The following DENND5A variants were observed in gnomAD, a reference collection of about 807,000 sequenced individuals.
DENND5A encodes the protein DENN domain-containing protein 5A.
Under a neutral mutation model 140.3 loss-of-function variants are expected in DENND5A, and 64 were observed. The observed-to-expected ratio is 0.46, with a 90% CI of 0.37 to 0.56. The LOEUF is 0.56. Ranked by LOEUF, DENND5A falls within the 20% of genes least tolerant of loss-of-function variation. The pLI is 0.00. For synonymous variants in DENND5A, 605 were observed against 607.7 expected, an observed-to-expected ratio of 1.00 and a Z score of 0.07; for missense variants, 1,292 against 1,593.8, an observed-to-expected ratio of 0.81 and a Z score of 3.22.
intron 5 of DENND5A, among the ~76,000 whole-genome samples, chr11:9,184,357 G>GA (rs554550679): frequency 8.7e-4 from 118 of 136,366 alleles, no homozygotes; most frequent in Middle Eastern, 4.0e-3. Flanking sequence ...CGTCTCAAAA[G>GA]AAAAAAAAAA....
intron 1 of DENND5A, among the ~76,000 whole-genome samples, chr11:9,227,937 C>T (rs2136245261): frequency 6.6e-6 from 1 of 151,746 alleles, no homozygotes; most frequent in Admixed American, 6.6e-5. Flanking sequence ...CATGGTGAAA[C>T]CCTGTCTCTA....
intron 10 of DENND5A, 98 bp from the exon 11 acceptor site, chr11:9,166,065 CAT>C: frequency 6.2e-6 from 7 of 1,124,346 alleles, no homozygotes; most frequent in Non-Finnish European, 8.9e-6. Context: ...TATTTTCTCA[CAT>C]TTTCTTTTTT....
chr11:9,234,542 G>A (rs1035998068), intron 1 of DENND5A, among the ~76,000 whole-genome samples: 1 of 152,138 alleles, frequency 6.6e-6, no homozygotes, highest in African/African-American at 2.4e-5. Context: ...GCCATAAACT[G>A]GCCCCAAAAC....
intron 13 of DENND5A, among the ~76,000 whole-genome samples, chr11:9,151,821 G>C (rs1370157105): frequency 6.6e-6 from 1 of 152,100 alleles, no homozygotes; most frequent in South Asian, 2.1e-4. Context: ...CTCCAGACTC[G>C]TTTCCTCCTC....
At chr11:9,225,120 C>A (rs1045413859) in intron 1 of DENND5A, among the ~76,000 whole-genome samples, 1 of 152,086 alleles carries the variant, frequency 6.6e-6, no homozygotes, top group Non-Finnish European at 1.5e-5. Context: ...TCTTTTTTGA[C>A]AATGTATCTC....
intron 1 of DENND5A, among the ~76,000 whole-genome samples, chr11:9,227,092 C>T (rs556420656): frequency 5.3e-5 from 8 of 151,932 alleles, no homozygotes; most frequent in African/African-American, 1.9e-4. Flanking sequence ...CGCTTGAACC[C>T]GGGAGGCAGA....
In DENND5A at chr11:9,257,264, G is replaced by A. The variant is rs185601830; in HGVS notation, c.109+7697C>T. ...ACCTGCCTCAGCCTCCCAAAGTGCT[G>A]GGATTATAGGCGTGAGCAACCATGT... On this transcript the variant is annotated intron_variant, in intron 1 of 22. Coordinates refer to ENST00000328194, the MANE Select transcript of DENND5A (RefSeq NM_015213.4). Among the ~76,000 whole-genome samples the A allele has an allele frequency of 2.3e-4, 35 of 151,856 alleles. No homozygotes were observed. In the South Asian group the frequency reaches 3.7e-3, roughly 16 times the overall value.
In DENND5A at chr11:9,206,707, T is replaced by C. The variant is rs1287518966; in HGVS notation, c.257A>G (p.Glu86Gly). The C allele has an allele frequency of 1.2e-6, 2 of 1,613,864 alleles. No individual in the cohort carries two copies. Among genetic ancestry groups the C allele is most frequent in the Non-Finnish European group, 1.7e-6 (2 of 1,179,824 alleles). ...KVLARYPENV[E>G]WNPFDQDAVG... Reference sequence around the variant, plus strand: ...TGCATCTTGGTCAAAGGGATTCCATTCTACGTTCTCAGGATATCGTGCAAG... The same window carrying C: ...TGCATCTTGGTCAAAGGGATTCCATCCTACGTTCTCAGGATATCGTGCAAG... Residue 86 changes from glutamate to glycine, a missense_variant, in exon 3 of 23, where the codon GAA (glutamate) becomes GGA (glycine). Around this residue, in one of 4 missense-constraint regions of DENND5A, gnomAD observed 566 missense variants for 650.4 expected, o/e 0.87. Transcript: ENST00000328194.
chr11:9,203,179 G>T (rs1564912920), intron 4 of DENND5A, among the ~76,000 whole-genome samples: 1 of 152,148 alleles, frequency 6.6e-6, no homozygotes, highest in East Asian at 1.9e-4. Flanking sequence ...GTCCAAATAT[G>T]CTGCTTACAC....
At chr11:9,236,353 G>A (rs906597456) in intron 1 of DENND5A, among the ~76,000 whole-genome samples, 7 of 151,922 alleles carry the variant, frequency 4.6e-5, no homozygotes, top group South Asian at 2.1e-4. Context: ...CCAATATGGC[G>A]AAACCCTGTC....
intron 6 of DENND5A, among the ~76,000 whole-genome samples, chr11:9,179,394 G>A (rs1432203578): frequency 1.3e-5 from 2 of 152,062 alleles, no homozygotes; most frequent in Non-Finnish European, 2.9e-5. Context: ...AGGGAGAAAG[G>A]AAGGAATGTG....
In DENND5A at chr11:9,181,110, T is replaced by A. The variant is rs767716057; in HGVS notation, c.1138-26A>T. 1.6e-5 allele frequency: 25 copies of A among 1,596,438 alleles called. No individual in the cohort carries two copies. In the East Asian group the frequency reaches 5.6e-4, roughly 36 times the overall value. On this transcript the variant is annotated intron_variant, in intron 5 of 22. Transcript: ENST00000328194. The stretch of plus-strand genomic sequence containing the variant: ...CTGGAAGTCAAAACAGGATGAGGAG[T>A]ATGAATAACTCCAGAGCATTACAGG...
At chr11:9,188,532 C>A (rs1849000726) in intron 5 of DENND5A, among the ~76,000 whole-genome samples, 1 of 152,126 alleles carries the variant, frequency 6.6e-6, no homozygotes, top group Non-Finnish European at 1.5e-5. Context: ...GTTTGGAACT[C>A]CCTAGAGACT....
At chr11:9,187,938 T>C (rs1260939320) in intron 5 of DENND5A, among the ~76,000 whole-genome samples, 1 of 152,194 alleles carries the variant, frequency 6.6e-6, no homozygotes, top group Non-Finnish European at 1.5e-5. Context: ...ATGTACACTC[T>C]CTGTCCCTCT....
At chr11:9,214,334 T>C (rs1017835772) in intron 1 of DENND5A, among the ~76,000 whole-genome samples, 9 of 152,232 alleles carry the variant, frequency 5.9e-5, no homozygotes, top group African/African-American at 2.2e-4. Flanking sequence ...ACCTGTCTGA[T>C]GGCAGGGCAC....
intron 8 of DENND5A, chr11:9,175,436 T>G (rs940873392): frequency 6.6e-6 from 1 of 152,144 alleles, no homozygotes; most frequent in African/African-American, 2.4e-5. Flanking sequence ...ATCAAAATCT[T>G]GAAAGGTTTC....
intron 8 of DENND5A, among the ~76,000 whole-genome samples, chr11:9,172,598 T>G (rs1306850696): frequency 6.6e-6 from 1 of 152,156 alleles, no homozygotes; most frequent in Non-Finnish European, 1.5e-5. Flanking sequence ...TTCATAAGCA[T>G]CTGGCATTTG....
intron 5 of DENND5A, among the ~76,000 whole-genome samples, chr11:9,185,678 GTGTC>G (rs1244591564): frequency 6.6e-6 from 1 of 152,140 alleles, no homozygotes; most frequent in Admixed American, 6.5e-5. Context: ...AGATGTATAT[GTGTC>G]TGTGTGTGCT....
chr11:9,263,457 G>A (rs1025916925), intron 1 of DENND5A, among the ~76,000 whole-genome samples: 10 of 150,538 alleles, frequency 6.6e-5, no homozygotes, highest in Admixed American at 6.6e-4. Flanking sequence ...CCTGACCTCA[G>A]GTGACCCGCC....
Sources: gnomAD v4.1 joint callset for allele counts (sites outside exome capture counted in the v4.1 genomes callset) on GRCh38, gnomAD v4.1.1 for gene constraint, gnomAD v4.1.1 regional missense constraint, MANE v1.5 for transcripts, NCBI Gene and HGNC (gene_info 2026-07-23, HGNC 2026-07-21) for gene names.